Variants in ZNF875 observed in about 807,000 individuals in gnomAD.
The protein encoded by ZNF875 is HKR1, GLI-Kruppel zinc finger family member.
Under a neutral mutation model 11.2 loss-of-function variants are expected in ZNF875, and 14 were observed. The observed-to-expected ratio is 1.26, with a 90% CI of 0.83 to 1.96. The LOEUF is 1.96. ZNF875 is among the 30% of genes most tolerant of loss of function. ZNF875 has a pLI of 0.00. For missense variants in ZNF875, 752 were observed against 760.4 expected, an observed-to-expected ratio of 0.99 and a Z score of 0.13; for synonymous variants, 301 against 281.1, an observed-to-expected ratio of 1.07 and a Z score of -0.71.
At chr19:37,326,549 T>A (rs185585447) in intron 4 of ZNF875, among the ~76,000 whole-genome samples, 61 of 152,298 alleles carry the variant, frequency 4.0e-4, no homozygotes, top group African/African-American at 1.2e-3. Context: ...TGGGTATTTA[T>A]TTGCAATACA....
upstream of ZNF875, among the ~76,000 whole-genome samples, chr19:37,314,313 A>C (rs1271603734): frequency 6.6e-6 from 1 of 152,042 alleles, no homozygotes; most frequent in East Asian, 1.9e-4. Flanking sequence ...TGTGGGTCTC[A>C]CTATGTTGCA....
In ZNF875 at chr19:37,364,192, C is replaced by A. The variant is rs756726560; in HGVS notation, c.*417C>A. Reference sequence around the variant, plus strand: ...GTGCTTTCCTCCGATTGATCCCAACCCTTCACCTATTTTACGTATACCTGC... The same window carrying A: ...GTGCTTTCCTCCGATTGATCCCAACACTTCACCTATTTTACGTATACCTGC... On this transcript the variant is annotated 3_prime_UTR_variant, in exon 5 of 5. Transcript: ENST00000392153. 3 of 185,974 alleles carry A rather than the reference C, an allele frequency of 1.6e-5. No homozygotes were observed. The highest frequency in any genetic ancestry group is 4.7e-5 in the African/African-American group (2 of 42,234). The allele number at this position is 185,974 out of a possible 1,614,324, so 11.5% of individuals were successfully genotyped here.
chr19:37,322,309 C>T (rs1431761165), intron 2 of ZNF875: 1 of 152,184 alleles, frequency 6.6e-6, no homozygotes. Context: ...TCCCATTTTG[C>T]ATTTTCTTTG....
At chr19:37,321,496 T>C (rs1179792932) in intron 1 of ZNF875, among the ~76,000 whole-genome samples, 1 of 152,170 alleles carries the variant, frequency 6.6e-6, no homozygotes, top group Non-Finnish European at 1.5e-5. Flanking sequence ...GTAGAGATAA[T>C]GATCAATAAA....
rs1368127237 is a variant in ZNF875 at position 37,363,727 on chromosome 19, T to C, written c.1875T>C (p.Phe625=). Residue 625 remains phenylalanine (F), a synonymous_variant, in exon 5 of 5, where the codon TTT becomes TTC. Coordinates refer to ENST00000392153, the MANE Select transcript of ZNF875 (RefSeq NM_001353803.2). ...PYICRKCGRG[F]SRKSNLIRHQ... The stretch of plus-strand genomic sequence containing the variant: ...TTTGCAGAAAGTGTGGACGGGGCTT[T>C]AGTCGGAAGTCCAACCTTATCAGAC... The C allele has an allele frequency of 1.2e-6, 2 of 1,613,972 alleles. No homozygotes were observed. Among genetic ancestry groups the C allele is most frequent in the African/African-American group, 2.7e-5 (2 of 74,936 alleles).
At chr19:37,315,451 G>A (rs1403722857), upstream of ZNF875, 1 of 152,200 alleles carries the variant, frequency 6.6e-6, no homozygotes, top group Non-Finnish European at 1.5e-5. Context: ...GGAGGTATGG[G>A]CTTCTGGACT....
At chr19:37,331,186 CA>C (rs71177440), upstream of ZNF875, among the ~76,000 whole-genome samples, 21,109 of 74,100 alleles carry the variant, frequency 0.28, 964 homozygotes, top group East Asian at 0.35. Context: ...GACTCTGTCT[CA>C]AAAAAAAAAA....
upstream of ZNF875, among the ~76,000 whole-genome samples, chr19:37,332,645 C>T (rs912161911): frequency 6.6e-6 from 1 of 152,190 alleles, no homozygotes; most frequent in South Asian, 2.1e-4. Context: ...GTTTGCAGGC[C>T]AGTTTCTTCT....
intron 2 of ZNF875, among the ~76,000 whole-genome samples, chr19:37,341,824 GCAAGTCATTTGTTT>G (rs1267724309): frequency 6.6e-6 from 1 of 152,178 alleles, no homozygotes; most frequent in Non-Finnish European, 1.5e-5. Flanking sequence ...TACTAAAAAG[GCAAGTCATTTGTTT>G]CCCTCCACCC....
chr19:37,327,632 G>A (rs2032703430), intron 4 of ZNF875, among the ~76,000 whole-genome samples: 2 of 151,584 alleles, frequency 1.3e-5, no homozygotes, highest in Non-Finnish European at 2.9e-5. Context: ...TCGTGTAGTG[G>A]TGCAGGCCTG....
chr19:37,339,855 C>T (rs890899578), intron 2 of ZNF875, among the ~76,000 whole-genome samples: 1 of 150,166 alleles, frequency 6.7e-6, no homozygotes, highest in Non-Finnish European at 1.5e-5. Context: ...ATGAGCACCG[C>T]GGCTGGCCCT....
In ZNF875 at chr19:37,362,485, A is replaced by C. The variant is rs2040105070; in HGVS notation, c.633A>C (p.Thr211=). The C allele has an allele frequency of 6.2e-7, 1 of 1,614,248 alleles. No homozygotes were observed. The highest frequency in any genetic ancestry group is 1.1e-5 in the South Asian group (1 of 91,090). The change falls in exon 5 of 5, where the codon ACA becomes ACC. Residue 211 remains threonine, a synonymous_variant. Coordinates refer to ENST00000392153, the MANE Select transcript of ZNF875 (RefSeq NM_001353803.2). The part of the protein sequence containing the change: ...SPERRADLEE[T]DKVLHGLEVS... Reference sequence around the variant, plus strand: ...AACGGAGGGCAGATCTAGAGGAAACAGACAAAGTATTGCATGGTTTAGAAG... The same window carrying C: ...AACGGAGGGCAGATCTAGAGGAAACCGACAAAGTATTGCATGGTTTAGAAG...
chr19:37,341,328 T>C (rs1304979809), intron 2 of ZNF875, among the ~76,000 whole-genome samples: 1 of 152,210 alleles, frequency 6.6e-6, no homozygotes, highest in African/African-American at 2.4e-5. Flanking sequence ...TTTTGCAGAT[T>C]TCACCTGGTC....
intron 2 of ZNF875, among the ~76,000 whole-genome samples, chr19:37,345,741 G>A (rs960106511): frequency 2.0e-5 from 3 of 152,126 alleles, no homozygotes; most frequent in African/African-American, 7.2e-5. Flanking sequence ...ATAAACACAA[G>A]TTTTAAAGCA....
chr19:37,331,483 ATTC>A (rs1259917267), upstream of ZNF875, among the ~76,000 whole-genome samples: 1 of 151,120 alleles, frequency 6.6e-6, no homozygotes, highest in Admixed American at 6.6e-5. Context: ...ACTAAGAAAA[ATTC>A]TTCTGCCTTG....
At chr19:37,320,945 A>G (rs7258906) in intron 1 of ZNF875, among the ~76,000 whole-genome samples, 134,106 of 152,242 alleles carry the variant, frequency 0.88, 59,380 homozygotes, top group African/African-American at 0.96. Context: ...ACAGAAACGT[A>G]CTCTGTTGGC....
intron 1 of ZNF875, among the ~76,000 whole-genome samples, chr19:37,319,542 T>C (rs2030941288): frequency 6.6e-6 from 1 of 151,886 alleles, no homozygotes; most frequent in Non-Finnish European, 1.5e-5. Flanking sequence ...ACATTGTTCA[T>C]AGGCCTTATT....
At chr19:37,323,689 C>T (rs557305307) in intron 3 of ZNF875, 27 of 152,150 alleles carry the variant, frequency 1.8e-4, no homozygotes, top group Admixed American at 1.4e-3. Context: ...GTAACCCAAA[C>T]GGAAAAGAGA....
chr19:37,345,967 A>G (rs1039535120), intron 2 of ZNF875, among the ~76,000 whole-genome samples: 17 of 152,296 alleles, frequency 1.1e-4, no homozygotes, highest in African/African-American at 4.1e-4. Flanking sequence ...TCTAATAATA[A>G]TAAATCATTT....
Sources: gnomAD v4.1 joint callset for allele counts (sites outside exome capture counted in the v4.1 genomes callset) on GRCh38, gnomAD v4.1.1 for gene constraint, MANE v1.5 for transcripts, NCBI Gene and HGNC (gene_info 2026-07-23, HGNC 2026-07-21) for gene names.